Variants in NXPH1 observed in about 807,000 individuals in gnomAD.
NXPH1 encodes neurexophilin-1.
NXPH1 carries 5 observed loss-of-function variants against 23.7 expected under a neutral mutation model. The observed-to-expected ratio is 0.21, with a 90% confidence interval of 0.11 to 0.44. The LOEUF (loss-of-function observed/expected upper bound fraction) is 0.44. NXPH1 is among the 20% of genes least tolerant of loss of function. The pLI, the probability that NXPH1 is intolerant of heterozygous loss-of-function variation, is 0.99. For synonymous variants in NXPH1, 144 were observed against 122.2 expected (o/e 1.18, Z -1.18); for missense variants, 324 against 321.6 (o/e 1.01, Z -0.06).
intron 2 of NXPH1, among the ~76,000 whole-genome samples, chr7:8,444,515 G>A (rs1171109849): frequency 5.3e-5 from 8 of 152,122 alleles, no homozygotes; most frequent in Admixed American, 6.6e-5. Context: ...CCTCTCTTCC[G>A]CAGTCCACCC....
chr7:8,592,024 A>C (rs1819107207), intron 2 of NXPH1, among the ~76,000 whole-genome samples: 1 of 151,686 alleles, frequency 6.6e-6, no homozygotes, highest in Middle Eastern at 3.4e-3. Flanking sequence ...TGATTGTGTC[A>C]CTCTTCTCTT....
intron 2 of NXPH1, among the ~76,000 whole-genome samples, chr7:8,715,946 T>C (rs1779869499): frequency 6.6e-6 from 1 of 152,114 alleles, no homozygotes; most frequent in Non-Finnish European, 1.5e-5. Context: ...CATATATATA[T>C]AAATGTATTA....
chr7:8,671,460 AGC>A (rs1820868339), intron 2 of NXPH1, among the ~76,000 whole-genome samples: 1 of 152,192 alleles, frequency 6.6e-6, no homozygotes, highest in Non-Finnish European at 1.5e-5. Flanking sequence ...CCTCAGTTTT[AGC>A]AAGAGAAACA....
At chr7:8,582,873 C>T (rs188118598) in intron 2 of NXPH1, among the ~76,000 whole-genome samples, 48 of 152,328 alleles carry the variant, frequency 3.2e-4, no homozygotes, top group Non-Finnish European at 6.0e-4. Context: ...TGTCAGCCTC[C>T]TGCTGCCATC....
rs539630147 is a variant in NXPH1 at position 8,752,588 on chromosome 7, A to G, written c.*819A>G. ...AGAAGGGAAATGCCTGGCAGACACC[A>G]TGTAAGTTATAAGTGTCTGTCTTAT... On this transcript the variant is annotated 3_prime_UTR_variant, in exon 3 of 3. Transcript: ENST00000405863. The G allele has an allele frequency of 4.6e-5, 7 of 152,694 alleles. No individual in the cohort carries two copies. The East Asian group carries it at 9.7e-4, about 21-fold the overall frequency. 9.5% of individuals were successfully genotyped at this position (152,694 alleles called of 1,614,324 possible).
intron 2 of NXPH1, among the ~76,000 whole-genome samples, chr7:8,667,972 T>C (rs1011809961): frequency 1.6e-5 from 2 of 126,502 alleles, no homozygotes; most frequent in African/African-American, 5.7e-5. Context: ...CTGCTGTTGA[T>C]GTTCTCTATT....
intron 2 of NXPH1, among the ~76,000 whole-genome samples, chr7:8,697,123 A>G (rs1457766004): frequency 6.9e-6 from 1 of 145,414 alleles, no homozygotes; most frequent in Admixed American, 7.3e-5. Flanking sequence ...GTGCCACTGC[A>G]CTCCAGTCTG....
At position 8,452,179 on chromosome 7, in the gene NXPH1, C is replaced by T. The variant is rs117352174; in HGVS notation, c.54+16412C>T. Among the ~76,000 whole-genome samples the T allele has an allele frequency of 3.2e-4, 48 of 152,280 alleles. 1 individual carries two copies. In the East Asian group the frequency reaches 8.5e-3, roughly 27 times the overall value. On this transcript the variant is annotated intron_variant, in intron 2 of 2. Transcript: ENST00000405863. ...TATTCAGAAATAAACTGACTCTCAC[C>T]AGAATACGTTTTTGATATACCCTTT...
At chr7:8,652,952 T>C (rs1468218264) in intron 2 of NXPH1, among the ~76,000 whole-genome samples, 6 of 81,846 alleles carry the variant, frequency 7.3e-5, no homozygotes, top group African/African-American at 2.2e-4. Context: ...ATATATTTTG[T>C]TAACACAGAA....
intron 2 of NXPH1, among the ~76,000 whole-genome samples, chr7:8,547,303 A>G (rs1440772692): frequency 1.3e-5 from 2 of 151,348 alleles, no homozygotes; most frequent in East Asian, 3.9e-4. Context: ...AAACATATAG[A>G]TTACGAGAAT....
chr7:8,706,253 C>T (rs1325868938), intron 2 of NXPH1, among the ~76,000 whole-genome samples: 2 of 152,130 alleles, frequency 1.3e-5, no homozygotes, highest in Non-Finnish European at 2.9e-5. Flanking sequence ...TTTTAGCTGC[C>T]ATCATAAACT....
At chr7:8,606,078 T>C (rs928864796) in intron 2 of NXPH1, among the ~76,000 whole-genome samples, 15 of 152,138 alleles carry the variant, frequency 9.9e-5, no homozygotes, top group African/African-American at 3.6e-4. Context: ...AGGGATTGGG[T>C]AGCAATGACC....
At chr7:8,653,264 A>G (rs953796214) in intron 2 of NXPH1, among the ~76,000 whole-genome samples, 2 of 152,194 alleles carry the variant, frequency 1.3e-5, no homozygotes, top group African/African-American at 4.8e-5. Context: ...AACACAGTTT[A>G]GTATATATGA....
chr7:8,640,302 T>A (rs1454537203), intron 2 of NXPH1, among the ~76,000 whole-genome samples: 1 of 138,276 alleles, frequency 7.2e-6, no homozygotes, highest in Non-Finnish European at 1.5e-5. Flanking sequence ...TTTTAAAATA[T>A]TATATGGGGT....
intron 2 of NXPH1, among the ~76,000 whole-genome samples, chr7:8,626,191 GA>G (rs112831192): frequency 2.0e-4 from 29 of 146,444 alleles, no homozygotes; most frequent in Non-Finnish European, 3.2e-4. Context: ...AGTCAATTCT[GA>G]AAAAAAAAAG....
rs1818772647 is a variant in NXPH1, at chr7:8,577,258, G to A, written c.54+141491G>A. 2.0e-5 allele frequency among the ~76,000 whole-genome samples: 3 copies of A among 152,126 alleles called. No homozygotes were observed. The South Asian group carries it at 6.2e-4, about 32-fold the overall frequency. On this transcript the variant is annotated intron_variant, in intron 2 of 2. Coordinates refer to ENST00000405863, the MANE Select transcript of NXPH1 (RefSeq NM_152745.3). The stretch of plus-strand genomic sequence containing the variant: ...CGTTTCTTTTAATATAAGTGATAAA[G>A]TTTATTTATCTATACATTTTATTCA...
chr7:8,658,102 C>T (rs2115159152), intron 2 of NXPH1, among the ~76,000 whole-genome samples: 1 of 152,322 alleles, frequency 6.6e-6, no homozygotes, highest in Non-Finnish European at 1.5e-5. Context: ...TGCAATAATT[C>T]AAAGTTAATT....
chr7:8,503,133 C>A (rs559831589), intron 2 of NXPH1, among the ~76,000 whole-genome samples: 1 of 152,124 alleles, frequency 6.6e-6, no homozygotes, highest in African/African-American at 2.4e-5. Flanking sequence ...TATTTGTGCA[C>A]AACAGACAAC....
chr7:8,517,931 C>T (rs1817714828), intron 2 of NXPH1, among the ~76,000 whole-genome samples: 3 of 152,206 alleles, frequency 2.0e-5, no homozygotes, highest in South Asian at 4.2e-4. Context: ...AATTGAGTTT[C>T]ACATAAGCTT....
Sources: gnomAD v4.1 joint callset for allele counts (sites outside exome capture counted in the v4.1 genomes callset) on GRCh38, gnomAD v4.1.1 for gene constraint, MANE v1.5 for transcripts, NCBI Gene and HGNC (gene_info 2026-07-23, HGNC 2026-07-21) for gene names.